The following GRID2 variants were observed in gnomAD, a reference collection of about 807,000 sequenced individuals.
GRID2 encodes glutamate ionotropic receptor delta type subunit 2.
Under a neutral mutation model 114.8 loss-of-function variants are expected in GRID2, and 33 were observed. That is an observed-to-expected ratio of 0.29 (90% CI 0.22 to 0.38). GRID2 has a LOEUF of 0.38. Ranked by LOEUF, GRID2 falls within the 10% of genes least tolerant of loss-of-function variation. The pLI is 1.00. For synonymous variants in GRID2, 505 were observed against 449.9 expected (o/e 1.12, Z -1.55); for missense variants, 1,184 against 1,257.7 (o/e 0.94, Z 0.89).
intron 13 of GRID2, among the ~76,000 whole-genome samples, chr4:93,534,115 G>A (rs1731782344): frequency 6.6e-6 from 1 of 151,896 alleles, no homozygotes; most frequent in Non-Finnish European, 1.5e-5. Flanking sequence ...CCATATTTGA[G>A]TCTTAGTTCA....
chr4:93,514,986 C>T (rs116550318), intron 12 of GRID2, among the ~76,000 whole-genome samples: 2,195 of 152,242 alleles, frequency 0.014, 23 homozygotes, highest in East Asian at 0.053. Flanking sequence ...GACGTTTTCA[C>T]TTTTCCTTCA....
intron 1 of GRID2, among the ~76,000 whole-genome samples, chr4:92,512,413 C>A (rs567065853): frequency 6.6e-6 from 1 of 151,604 alleles, no homozygotes; most frequent in Non-Finnish European, 1.5e-5. Flanking sequence ...TATTTTAAGA[C>A]AAAAGAAATT....
intron 1 of GRID2, among the ~76,000 whole-genome samples, chr4:92,315,798 C>G (rs1725936976): frequency 6.6e-6 from 1 of 151,618 alleles, no homozygotes; most frequent in Non-Finnish European, 1.5e-5. Context: ...TGGTGAAACC[C>G]CGTCTCTACT....
chr4:93,352,418 A>T (rs72876971), intron 8 of GRID2, among the ~76,000 whole-genome samples: 3,265 of 152,164 alleles, frequency 0.021, 124 homozygotes, highest in African/African-American at 0.075. Flanking sequence ...CAGTACACAG[A>T]GTCAGAAACA....
At chr4:93,590,240 A>T (rs1738064572) in intron 13 of GRID2, among the ~76,000 whole-genome samples, 3 of 150,716 alleles carry the variant, frequency 2.0e-5, no homozygotes. Flanking sequence ...TATAAGGCGT[A>T]AGGAAGGGAT....
intron 2 of GRID2, among the ~76,000 whole-genome samples, chr4:92,802,929 A>G (rs1578211458): frequency 6.6e-6 from 1 of 152,126 alleles, no homozygotes; most frequent in East Asian, 1.9e-4. Context: ...ATTAATATGT[A>G]GAACCATATG....
chr4:93,505,376 T>C (rs963215204), intron 12 of GRID2, among the ~76,000 whole-genome samples: 16 of 151,966 alleles, frequency 1.1e-4, no homozygotes, highest in Non-Finnish European at 2.2e-4. Flanking sequence ...ACAATCATCC[T>C]ATAATCAGCA....
chr4:92,777,551 T>G (rs113806914), intron 2 of GRID2, among the ~76,000 whole-genome samples: 14 of 152,224 alleles, frequency 9.2e-5, no homozygotes, highest in African/African-American at 3.4e-4. Flanking sequence ...CGAGATGATC[T>G]GGACTGAATT....
chr4:93,741,199 ATG>A (rs1162272242), intron 14 of GRID2, among the ~76,000 whole-genome samples: 1,236 of 29,058 alleles, frequency 0.043, 110 homozygotes, highest in African/African-American at 0.11. Flanking sequence ...ATATATATAT[ATG>A]TATATATATA....
At chr4:92,915,698 T>C (rs1257089571) in intron 2 of GRID2, among the ~76,000 whole-genome samples, 1 of 152,164 alleles carries the variant, frequency 6.6e-6, no homozygotes, top group Non-Finnish European at 1.5e-5. Context: ...TGTATAAGTG[T>C]TCCTTTACTG....
At chr4:92,957,369 G>A (rs1055223972) in intron 2 of GRID2, among the ~76,000 whole-genome samples, 18 of 151,904 alleles carry the variant, frequency 1.2e-4, no homozygotes, top group African/African-American at 4.4e-4. Context: ...TTTTCTCCAG[G>A]TGGTTGTCTA....
At chr4:93,250,726 A>G (rs1201220078) in intron 8 of GRID2, among the ~76,000 whole-genome samples, 1 of 147,294 alleles carries the variant, frequency 6.8e-6, no homozygotes, top group East Asian at 2.0e-4. Flanking sequence ...TTACATGTAT[A>G]TGTGCATATA....
intron 2 of GRID2, among the ~76,000 whole-genome samples, chr4:93,017,558 A>G (rs1287908203): frequency 6.6e-6 from 1 of 152,028 alleles, no homozygotes; most frequent in East Asian, 1.9e-4. Context: ...TCACACCTAT[A>G]ACCCCAGCAC....
intron 14 of GRID2, among the ~76,000 whole-genome samples, chr4:93,692,819 C>T (rs1205371680): frequency 6.6e-6 from 1 of 152,080 alleles, no homozygotes. Flanking sequence ...TTTTTGGTAA[C>T]TACTTACAGT....
At chr4:93,589,073 T>A (rs1307611556) in intron 13 of GRID2, among the ~76,000 whole-genome samples, 1 of 151,926 alleles carries the variant, frequency 6.6e-6, no homozygotes, top group Non-Finnish European at 1.5e-5. Context: ...TATTATACTT[T>A]AAGTTTTAGG....
At chr4:93,207,314 A>AT (rs2149469825) in intron 4 of GRID2, 90 bp from the exon 5 acceptor site, 2 of 888,266 alleles carry the variant, frequency 2.3e-6, no homozygotes, top group Non-Finnish European at 3.8e-6. Flanking sequence ...CATACGATTC[A>AT]TTTTTTGTCA....
intron 2 of GRID2, among the ~76,000 whole-genome samples, chr4:93,008,369 T>C (rs1446785004): frequency 2.6e-5 from 4 of 152,094 alleles, no homozygotes; most frequent in African/African-American, 9.7e-5. Flanking sequence ...AGTTGTAAAA[T>C]GTATAGAAAC....
chr4:92,799,919 T>G (rs1740072630), intron 2 of GRID2, among the ~76,000 whole-genome samples: 1 of 152,040 alleles, frequency 6.6e-6, no homozygotes, highest in African/African-American at 2.4e-5. Context: ...TAGGGATGCT[T>G]AAACAATCAT....
rs544322997 is a variant in GRID2 at position 93,644,087 on chromosome 4, C to T, written c.2360+17652C>T. Among the ~76,000 whole-genome samples, 211 of 79,202 alleles carry T rather than the reference C, an allele frequency of 2.7e-3. 56 individuals carry two copies. The highest frequency in any genetic ancestry group is 0.016 in the African/African-American group (200 of 12,272). 52.0% of individuals were successfully genotyped at this position (79,202 alleles called of 152,430 possible). On this transcript the variant is annotated intron_variant, in intron 14 of 15. Coordinates refer to ENST00000282020, the MANE Select transcript of GRID2 (RefSeq NM_001510.4). ...AGTGACCCGATTTTCCAGGTGCGTC[C>T]GTCACCCCTTTCTTTGACTCGGAAA...
Sources: gnomAD v4.1 joint callset for allele counts (sites outside exome capture counted in the v4.1 genomes callset) on GRCh38, gnomAD v4.1.1 for gene constraint, MANE v1.5 for transcripts, NCBI Gene and HGNC (gene_info 2026-07-23, HGNC 2026-07-21) for gene names.